P3H2: variants seen among roughly 807,000 people sequenced by gnomAD.
The protein encoded by P3H2 is leprecan-like 1.
P3H2 carries 80 observed loss-of-function variants against 87.0 expected under a neutral mutation model. That is an observed-to-expected ratio of 0.92 (90% confidence interval 0.77 to 1.11). P3H2 has a LOEUF of 1.11. Ranked by LOEUF, P3H2 falls within the 50% of genes least tolerant of loss-of-function variation. P3H2 has a pLI of 0.00. For synonymous variants in P3H2, 367 were observed against 359.3 expected, an observed-to-expected ratio of 1.02 and a Z score of -0.24; for missense variants, 1,001 against 923.9, an observed-to-expected ratio of 1.08 and a Z score of -1.08.
chr3:190,000,707 G>C (rs953052356), intron 1 of P3H2, among the ~76,000 whole-genome samples: 7 of 152,184 alleles, frequency 4.6e-5, no homozygotes, highest in African/African-American at 1.7e-4. Context: ...TGCCTGAAGT[G>C]GAAAAAGGCT....
chr3:190,041,037 TACACACACACACACACAC>T (rs1202716732), intron 1 of P3H2, among the ~76,000 whole-genome samples: 4,040 of 49,348 alleles, frequency 0.082, 536 homozygotes, highest in African/African-American at 0.22. Flanking sequence ...TATATATATA[TACACACACACACACACAC>T]ACACACACAC....
At chr3:190,082,187 C>T (rs1375755336) in intron 1 of P3H2, among the ~76,000 whole-genome samples, 4 of 152,064 alleles carry the variant, frequency 2.6e-5, no homozygotes, top group South Asian at 4.1e-4. Context: ...ACCCGGTAGA[C>T]GGAAGTTGCA....
chr3:189,987,241 G>A (rs189516232), intron 5 of P3H2, among the ~76,000 whole-genome samples: 242 of 152,174 alleles, frequency 1.6e-3, no homozygotes, highest in African/African-American at 5.8e-3. Context: ...TTGGGAGGAC[G>A]AGGCGGGCAG....
At chr3:190,062,101 T>C (rs989947746) in intron 1 of P3H2, among the ~76,000 whole-genome samples, 7 of 152,132 alleles carry the variant, frequency 4.6e-5, no homozygotes, top group Admixed American at 2.6e-4. Context: ...ATCAAACTCT[T>C]TCCTCTAAAA....
At chr3:190,008,839 T>C (rs967397941) in intron 1 of P3H2, among the ~76,000 whole-genome samples, 1 of 152,086 alleles carries the variant, frequency 6.6e-6, no homozygotes, top group Non-Finnish European at 1.5e-5. Context: ...AAATCTGAGA[T>C]AATTCCTGTG....
chr3:189,969,914 G>T, intron 13 of P3H2: 1 of 846,800 alleles, frequency 1.2e-6, no homozygotes, highest in Non-Finnish European at 2.1e-6. Context: ...CTAAGGGAAT[G>T]AAGTGGGCCA....
chr3:190,042,674 A>G (rs1725674032), intron 1 of P3H2, among the ~76,000 whole-genome samples: 1 of 152,110 alleles, frequency 6.6e-6, no homozygotes, highest in Admixed American at 6.6e-5. Flanking sequence ...CCTACAGTAA[A>G]CCTTTTGACC....
At chr3:190,046,666 C>T (rs1725817103) in intron 1 of P3H2, among the ~76,000 whole-genome samples, 2 of 152,012 alleles carry the variant, frequency 1.3e-5, no homozygotes, top group Non-Finnish European at 2.9e-5. Flanking sequence ...CAGATATAAA[C>T]TCAAAATTGA....
chr3:190,086,207 C>T (rs1727205655), intron 1 of P3H2, among the ~76,000 whole-genome samples: 1 of 152,114 alleles, frequency 6.6e-6, no homozygotes, highest in East Asian at 1.9e-4. Context: ...TCCCCAAAGC[C>T]ACTATCCTAT....
At chr3:189,974,715 G>A in intron 8 of P3H2, 30 bp from the exon 9 acceptor site, 3 of 1,614,028 alleles carry the variant, frequency 1.9e-6, no homozygotes, top group South Asian at 2.2e-5. Context: ...TGTCTTCCCT[G>A]TTACCTCTGT....
chr3:190,020,735 A>G (rs971055646), intron 1 of P3H2, among the ~76,000 whole-genome samples: 1 of 133,636 alleles, frequency 7.5e-6, no homozygotes, highest in African/African-American at 2.6e-5. Flanking sequence ...GGCGGCTGCT[A>G]CCCACACGTT....
chr3:190,084,792 G>A (rs1207345652), intron 1 of P3H2, among the ~76,000 whole-genome samples: 1 of 152,052 alleles, frequency 6.6e-6, no homozygotes, highest in African/African-American at 2.4e-5. Context: ...CTGAACTGAG[G>A]TTTTGTTTTA....
chr3:190,018,975 G>A (rs1724852784), intron 1 of P3H2, among the ~76,000 whole-genome samples: 1 of 152,166 alleles, frequency 6.6e-6, no homozygotes, highest in African/African-American at 2.4e-5. Flanking sequence ...AGAAATCTTA[G>A]TGTCACTGTG....
chr3:189,966,069 A>G lies in P3H2; in HGVS notation c.1894-1971T>C, dbSNP rs1338381797. Among the ~76,000 whole-genome samples the G allele has an allele frequency of 7.2e-4, 105 of 145,932 alleles. 1 individual carries two copies. Among genetic ancestry groups the G allele is most frequent in the African/African-American group, 2.6e-3 (99 of 37,834 alleles). On this transcript the variant is annotated intron_variant, in intron 13 of 14. Coordinates refer to ENST00000319332, the MANE Select transcript of P3H2 (RefSeq NM_018192.4). ...AAAAGAAAGAAAGAAAGAAAGAGAA[A>G]GAAGGAAAGAAAGGAAGAAAGAAAG... is the stretch of plus-strand genomic sequence containing the variant.
intron 1 of P3H2, among the ~76,000 whole-genome samples, chr3:190,013,411 T>C (rs1177439510): frequency 6.6e-6 from 1 of 152,180 alleles, no homozygotes; most frequent in African/African-American, 2.4e-5. Context: ...GAGTTAAAAA[T>C]AGAAATAAAC....
intron 1 of P3H2, among the ~76,000 whole-genome samples, chr3:190,045,248 G>A (rs771624494): frequency 1.3e-5 from 2 of 152,220 alleles, no homozygotes; most frequent in Non-Finnish European, 2.9e-5. Context: ...GTAGGCCAAT[G>A]TGAAAAGCTT....
intron 1 of P3H2, among the ~76,000 whole-genome samples, chr3:190,060,007 G>A (rs925572722): frequency 6.6e-6 from 1 of 152,076 alleles, no homozygotes; most frequent in Non-Finnish European, 1.5e-5. Flanking sequence ...CCAACATCAA[G>A]AATTTTCTTC....
chr3:189,982,901 T>C (rs187409175), intron 8 of P3H2, 145 bp downstream of exon 8: 2 of 591,488 alleles, frequency 3.4e-6, no homozygotes, highest in East Asian at 5.5e-5. Flanking sequence ...TAAGTCTTGC[T>C]TTCAGACTAT....
Position 190,031,912 on chromosome 3 carries a change from GACA to G in P3H2, c.481-36473_481-36471del, listed in dbSNP as rs1725267188. 2.0e-5 allele frequency among the ~76,000 whole-genome samples: 3 copies of G among 152,298 alleles called. No homozygotes were observed. In the South Asian group the frequency reaches 6.2e-4, roughly 32 times the overall value. ...GGCACAGTGTAGAGGAGACTAAAAA[GACA>G]ACAATTAAGGGCAATGTGGGATCCA... On this transcript the variant is annotated intron_variant, in intron 1 of 14. Coordinates refer to ENST00000319332, the MANE Select transcript of P3H2 (RefSeq NM_018192.4).
Sources: gnomAD v4.1 joint callset for allele counts (sites outside exome capture counted in the v4.1 genomes callset) on GRCh38, gnomAD v4.1.1 for gene constraint, MANE v1.5 for transcripts, NCBI Gene and HGNC (gene_info 2026-07-23, HGNC 2026-07-21) for gene names.